The following PLCB1 variants were observed in gnomAD, a reference collection of about 807,000 sequenced individuals.
PLCB1 encodes the protein phospholipase C beta 1, also known as 1-phosphatidylinositol 4,5-bisphosphate phosphodiesterase beta-1.
In PLCB1, 46 loss-of-function variants were observed where a neutral mutation model predicts 161.8. The observed-to-expected ratio is 0.28, with a 90% CI of 0.22 to 0.36. PLCB1 has a LOEUF of 0.36. Among genes scored for constraint, PLCB1 ranks in the 10% least tolerant of loss-of-function variants. PLCB1 has a pLI of 1.00. For missense variants in PLCB1, 1,016 were observed against 1,472.5 expected (o/e 0.69, Z 5.07); for synonymous variants, 517 against 503.7 (o/e 1.03, Z -0.35).
At chr20:8,340,599 G>GT (rs1309392866) in intron 2 of PLCB1, among the ~76,000 whole-genome samples, 3 of 151,722 alleles carry the variant, frequency 2.0e-5, no homozygotes, top group Admixed American at 1.3e-4. Flanking sequence ...ATTTTTTTGT[G>GT]TTTTTTAGTA....
At chr20:8,239,421 G>A (rs1980493994) in intron 2 of PLCB1, among the ~76,000 whole-genome samples, 1 of 151,986 alleles carries the variant, frequency 6.6e-6, no homozygotes, top group South Asian at 2.1e-4. Flanking sequence ...CCGGTGTAAG[G>A]AATAGGCACC....
intron 31 of PLCB1, among the ~76,000 whole-genome samples, chr20:8,831,841 A>C (rs1406964051): frequency 6.6e-6 from 1 of 152,042 alleles, no homozygotes; most frequent in African/African-American, 2.4e-5. Context: ...AATTTCACAG[A>C]TATTTCCCCA....
chr20:8,181,302 C>G (rs985241493), intron 2 of PLCB1, among the ~76,000 whole-genome samples: 2 of 148,734 alleles, frequency 1.3e-5, no homozygotes, highest in African/African-American at 2.5e-5. Context: ...AAATGTATGT[C>G]AGAATTGTAA....
chr20:8,667,433 T>C (rs1307576546), intron 9 of PLCB1, among the ~76,000 whole-genome samples: 1 of 152,204 alleles, frequency 6.6e-6, no homozygotes, highest in Admixed American at 6.5e-5. Flanking sequence ...AGATCGTCAT[T>C]GTGGATCTAT....
At chr20:8,664,419 C>T (rs1989759365) in intron 9 of PLCB1, among the ~76,000 whole-genome samples, 1 of 151,700 alleles carries the variant, frequency 6.6e-6, no homozygotes, top group African/African-American at 2.4e-5. Flanking sequence ...TTAAATAGAC[C>T]TAAGCCAATA....
At chr20:8,828,412 T>A (rs1056954287) in intron 31 of PLCB1, among the ~76,000 whole-genome samples, 2 of 152,238 alleles carry the variant, frequency 1.3e-5, no homozygotes, top group Non-Finnish European at 2.9e-5. Flanking sequence ...TCCTTTTTTT[T>A]AAACATTCTC....
chr20:8,317,744 A>G (rs1338262608), intron 2 of PLCB1, among the ~76,000 whole-genome samples: 2 of 152,188 alleles, frequency 1.3e-5, no homozygotes, highest in Non-Finnish European at 1.5e-5. Context: ...TGCTCTCACT[A>G]ATCATTATCC....
intron 10 of PLCB1, among the ~76,000 whole-genome samples, chr20:8,685,468 A>G (rs887473753): frequency 2.0e-5 from 3 of 151,828 alleles, no homozygotes; most frequent in African/African-American, 7.2e-5. Flanking sequence ...TCATGCTTGT[A>G]ATCCCAGCAC....
At chr20:8,419,904 G>A (rs742616) in intron 3 of PLCB1, among the ~76,000 whole-genome samples, 73,089 of 151,898 alleles carry the variant, frequency 0.48, 18,035 homozygotes, top group African/African-American at 0.59. Flanking sequence ...ATGTTGTGGT[G>A]GGTTTGTGAC....
At chr20:8,571,052 G>T (rs117307847) in intron 3 of PLCB1, among the ~76,000 whole-genome samples, 2 of 152,328 alleles carry the variant, frequency 1.3e-5, no homozygotes, top group South Asian at 4.1e-4. Context: ...GTGTGGAATG[G>T]TATGTAGGCA....
intron 19 of PLCB1, among the ~76,000 whole-genome samples, chr20:8,736,481 C>A (rs886118037): frequency 3.9e-5 from 6 of 152,156 alleles, no homozygotes; most frequent in Non-Finnish European, 8.8e-5. Context: ...TCTAACCTCA[C>A]CATTTTCAAT....
intron 4 of PLCB1, among the ~76,000 whole-genome samples, chr20:8,636,879 T>C (rs975793068): frequency 6.6e-6 from 1 of 152,140 alleles, no homozygotes; most frequent in Non-Finnish European, 1.5e-5. Flanking sequence ...GCATCAGCAA[T>C]AGCATCTCTT....
chr20:8,557,570 A>G (rs1489024585), intron 3 of PLCB1, among the ~76,000 whole-genome samples: 1 of 151,992 alleles, frequency 6.6e-6, no homozygotes, highest in Non-Finnish European at 1.5e-5. Context: ...TTTAGTGAGT[A>G]CAGAGTTTCA....
intron 23 of PLCB1, among the ~76,000 whole-genome samples, chr20:8,748,595 G>A (rs1981290806): frequency 6.6e-6 from 1 of 152,104 alleles, no homozygotes; most frequent in Admixed American, 6.6e-5. Flanking sequence ...TAAAATCATG[G>A]CTCCCAATTA....
chr20:8,542,370 T>C (rs1372107584), intron 3 of PLCB1, among the ~76,000 whole-genome samples: 2 of 152,242 alleles, frequency 1.3e-5, no homozygotes, highest in Non-Finnish European at 2.9e-5. Context: ...ACAGTCATTT[T>C]TGACCATTTT....
At chr20:8,486,081 T>C (rs931172523) in intron 3 of PLCB1, among the ~76,000 whole-genome samples, 2 of 152,100 alleles carry the variant, frequency 1.3e-5, no homozygotes, top group African/African-American at 4.8e-5. Flanking sequence ...TATAAAACCA[T>C]CAGACCTCAA....
At chr20:8,878,137 A>G (rs552911377) in intron 31 of PLCB1, among the ~76,000 whole-genome samples, 2 of 152,322 alleles carry the variant, frequency 1.3e-5, no homozygotes, top group Admixed American at 1.3e-4. Flanking sequence ...TCCACCAATG[A>G]GCATTAACCT....
chr20:8,605,137 A>G (rs1015914510), intron 3 of PLCB1, among the ~76,000 whole-genome samples: 8 of 151,700 alleles, frequency 5.3e-5, no homozygotes, highest in Admixed American at 4.8e-4. Flanking sequence ...ACATTAAAAA[A>G]ACAATTTCCC....
chr20:8,194,909 T>C (rs555491865), intron 2 of PLCB1, among the ~76,000 whole-genome samples: 1 of 152,138 alleles, frequency 6.6e-6, no homozygotes, highest in South Asian at 2.1e-4. Flanking sequence ...TAAACCAACT[T>C]TGCTCACTGA....
Sources: allele counts gnomAD v4.1 joint callset (sites outside exome capture counted in the v4.1 genomes callset), GRCh38; gene constraint gnomAD v4.1.1; transcripts MANE v1.5; gene names NCBI Gene and HGNC (gene_info 2026-07-23, HGNC 2026-07-21).